The following CCNB3 variants were observed in gnomAD, a reference collection of about 807,000 sequenced individuals.
CCNB3 encodes the protein G2/mitotic-specific cyclin-B3.
A neutral mutation model predicts 68.0 loss-of-function variants in CCNB3; 12 were observed. The ratio of observed to expected loss-of-function variants is 0.18; its 90% CI spans 0.11 to 0.29. CCNB3 has a LOEUF of 0.29. Ranked by LOEUF, CCNB3 falls within the 10% of genes least tolerant of loss-of-function variation. CCNB3 has a pLI of 1.00. For synonymous variants in CCNB3, 354 were observed against 388.9 expected (o/e 0.91, Z 1.06); for missense variants, 904 against 993.1 (o/e 0.91, Z 1.21).
intron 1 of CCNB3, among the ~76,000 whole-genome samples, chrX:50,216,933 C>T (rs957622616): frequency 3.6e-5 from 4 of 110,550 alleles, no homozygotes; most frequent in Non-Finnish European, 5.7e-5. Context: ...AGAAACGTTT[C>T]CTTCCTTTAC....
intron 11 of CCNB3, among the ~76,000 whole-genome samples, chrX:50,350,780 C>T (rs190630399): frequency 1.8e-5 from 2 of 109,353 alleles, no homozygotes; most frequent in East Asian, 2.9e-4. Context: ...ACTGCAGCCT[C>T]GAACTCCTGG....
intron 1 of CCNB3, among the ~76,000 whole-genome samples, chrX:50,228,577 A>AAT (rs1456489014): frequency 0.06 from 5,207 of 86,474 alleles, 484 homozygotes; most frequent in African/African-American, 0.21. Flanking sequence ...TAATATATAG[A>AAT]ATATATATAG....
chrX:50,211,131 C>T (rs1935475545), intron 1 of CCNB3, among the ~76,000 whole-genome samples: 1 of 110,440 alleles, frequency 9.1e-6, no homozygotes, highest in South Asian at 3.9e-4. Flanking sequence ...GGCATGGTGG[C>T]GGTCACCTGT....
rs201311546 is a variant in CCNB3, at chrX:50,294,826, T to C, written c.205-37T>C. 27 of 1,171,031 alleles carry C rather than the reference T, an allele frequency of 2.3e-5. No individual in the cohort carries two copies. The African/African-American group carries it at 3.8e-4, about 16-fold the overall frequency. On this transcript the variant is annotated intron_variant, in intron 4 of 12. Transcript: ENST00000376042. ...GGTTTTCTTCATTTTCTTGCCTCCT[T>C]CTTCCCCTGCCCCCCAACCCACCTT...
At chrX:50,334,616 G>T (rs1265762880) in intron 8 of CCNB3, among the ~76,000 whole-genome samples, 3 of 112,398 alleles carry the variant, frequency 2.7e-5, no homozygotes, top group Non-Finnish European at 5.6e-5. Flanking sequence ...CCCACAGTCT[G>T]GGTTAAAACT....
At chrX:50,289,732 A>G (rs782648103) in intron 4 of CCNB3, among the ~76,000 whole-genome samples, 2 of 111,711 alleles carry the variant, frequency 1.8e-5, no homozygotes, top group African/African-American at 3.3e-5. Flanking sequence ...AGTCTGTATT[A>G]TCTAGGCTAT....
At chrX:50,294,427 T>C (rs782460639) in intron 4 of CCNB3, among the ~76,000 whole-genome samples, 48 of 111,230 alleles carry the variant, frequency 4.3e-4, no homozygotes, top group African/African-American at 1.6e-3. Context: ...TAGTATGTAG[T>C]GTTAGAGGTA....
chrX:50,215,234 C>A (rs1340990642), intron 1 of CCNB3, among the ~76,000 whole-genome samples: 1 of 110,446 alleles, frequency 9.1e-6, no homozygotes, highest in Non-Finnish European at 1.9e-5. Context: ...CGTGATCCAC[C>A]CGCCTCGGCC....
At chrX:50,292,947 G>T (rs371453311) in intron 4 of CCNB3, among the ~76,000 whole-genome samples, 40 of 111,726 alleles carry the variant, frequency 3.6e-4, no homozygotes, top group East Asian at 3.4e-3. Context: ...TAGATACCAA[G>T]ATATTGATGC....
chrX:50,279,160 A>G (rs1215645635), intron 1 of CCNB3, among the ~76,000 whole-genome samples: 3 of 3,000 alleles, frequency 1.0e-3, no homozygotes, highest in African/African-American at 4.6e-3. Context: ...GAATATATAT[A>G]TTCTATATAT....
At chrX:50,317,902 T>C (rs1359100340) in intron 8 of CCNB3, among the ~76,000 whole-genome samples, 4 of 111,278 alleles carry the variant, frequency 3.6e-5, no homozygotes, top group Non-Finnish European at 7.5e-5. Flanking sequence ...AGGTTTATAG[T>C]TTTACATGTT....
chrX:50,339,347 T>G (rs1403477666), intron 8 of CCNB3, among the ~76,000 whole-genome samples: 1 of 112,309 alleles, frequency 8.9e-6, no homozygotes, highest in Non-Finnish European at 1.9e-5. Flanking sequence ...AATCGTTGCA[T>G]TCTTTCGAGT....
chrX:50,217,851 T>C (rs902082384), intron 1 of CCNB3, among the ~76,000 whole-genome samples: 21 of 112,116 alleles, frequency 1.9e-4, no homozygotes, highest in Non-Finnish European at 3.8e-4. Context: ...TACGATTTGC[T>C]TAGCATCTTC....
At chrX:50,279,839 T>G (rs1936074007) in intron 1 of CCNB3, among the ~76,000 whole-genome samples, 1 of 87,621 alleles carries the variant, frequency 1.1e-5, no homozygotes, top group Non-Finnish European at 2.1e-5. Flanking sequence ...ATACATATAC[T>G]TTATAAATAT....
chrX:50,290,090 T>A (rs991135560), intron 4 of CCNB3, among the ~76,000 whole-genome samples: 2 of 112,128 alleles, frequency 1.8e-5, no homozygotes, highest in Non-Finnish European at 3.8e-5. Context: ...TTGGCTGAAA[T>A]AAGGTAGCCA....
chrX:50,226,303 TAGAAA>T (rs2146993887), intron 1 of CCNB3, among the ~76,000 whole-genome samples: 830 of 60,958 alleles, frequency 0.014, no homozygotes, highest in Non-Finnish European at 0.018. Flanking sequence ...AATATATATA[TAGAAA>T]TATATAAACA....
chrX:50,308,547 G>A lies in CCNB3; in HGVS notation c.378G>A (p.Val126=), dbSNP rs782810810. ...CACCAGTAGTAGCCTCTACTACCGTGGTACCAAACATTATGGAGAAACCAC... is the reference window on the plus strand; with the variant it reads ...CACCAGTAGTAGCCTCTACTACCGTAGTACCAAACATTATGGAGAAACCAC... ...EVTPVVASTT[V]VPNIMEKPLI... Residue 126 remains valine, a synonymous_variant, in exon 6 of 13, where the codon GTG becomes GTA. Coordinates refer to ENST00000376042, the MANE Select transcript of CCNB3 (RefSeq NM_033031.3). The A allele has an allele frequency of 4.1e-6, 5 of 1,206,643 alleles. No individual in the cohort carries two copies. In the South Asian group the frequency reaches 8.9e-5, roughly 21 times the overall value.
intron 1 of CCNB3, among the ~76,000 whole-genome samples, chrX:50,209,777 G>T (rs1320924869): frequency 5.0e-4 from 56 of 112,322 alleles, no homozygotes; most frequent in Non-Finnish European, 1.0e-3. Context: ...CTTGCTAGAG[G>T]TTTGTTAGGC....
chrX:50,228,908 A>C (rs1423575825), intron 1 of CCNB3, among the ~76,000 whole-genome samples: 2 of 44,821 alleles, frequency 4.5e-5, no homozygotes, highest in Admixed American at 7.4e-4. Flanking sequence ...GAATATATAT[A>C]TAGAATATAT....
Sources: allele counts gnomAD v4.1 joint callset (sites outside exome capture counted in the v4.1 genomes callset), GRCh38; gene constraint gnomAD v4.1.1; transcripts MANE v1.5; gene names NCBI Gene and HGNC (gene_info 2026-07-23, HGNC 2026-07-21).